Variants in LRRIQ3 observed in about 807,000 individuals in gnomAD.
The protein encoded by LRRIQ3 is leucine rich repeats and IQ motif containing 3.
A neutral mutation model predicts 59.3 loss-of-function variants in LRRIQ3; 75 were observed. The ratio of observed to expected loss-of-function variants is 1.26; its 90% CI spans 1.05 to 1.53. The LOEUF (loss-of-function observed/expected upper bound fraction) is 1.53, where lower values mean the gene tolerates loss of function less well. LRRIQ3 is among the 40% of genes most tolerant of loss of function. The probability of loss-of-function intolerance (pLI) is 0.00; values close to 1 mark genes in which losing one functional copy is unlikely to be tolerated. For synonymous variants in LRRIQ3, 250 were observed against 231.3 expected, an observed-to-expected ratio of 1.08 and a Z score of -0.73; for missense variants, 831 against 710.0, an observed-to-expected ratio of 1.17 and a Z score of -1.94.
At chr1:74,035,481 T>A (rs1653843047) in intron 7 of LRRIQ3, among the ~76,000 whole-genome samples, 1 of 152,130 alleles carries the variant, frequency 6.6e-6, no homozygotes, top group Admixed American at 6.6e-5. Context: ...TAAGTTAAAA[T>A]ATTTTGAGTC....
At chr1:74,161,836 T>C (rs1029021461) in intron 3 of LRRIQ3, among the ~76,000 whole-genome samples, 9 of 151,782 alleles carry the variant, frequency 5.9e-5, no homozygotes, top group Non-Finnish European at 1.0e-4. Flanking sequence ...CATAAAACAA[T>C]GATCTTGAAA....
chr1:74,135,395 A>G (rs187307511), intron 4 of LRRIQ3, among the ~76,000 whole-genome samples: 2 of 152,050 alleles, frequency 1.3e-5, no homozygotes. Context: ...AACTCTATCA[A>G]CTAACTTTAC....
chr1:74,151,726 C>G (rs1401548556), intron 4 of LRRIQ3, among the ~76,000 whole-genome samples: 1 of 151,900 alleles, frequency 6.6e-6, no homozygotes, highest in African/African-American at 2.4e-5. Context: ...AGGTCAAAGC[C>G]CAAAGTGAGG....
At chr1:74,185,201 T>C (rs1650280439) in intron 1 of LRRIQ3, among the ~76,000 whole-genome samples, 3 of 152,194 alleles carry the variant, frequency 2.0e-5, no homozygotes, top group Admixed American at 2.0e-4. Context: ...ACATAATATA[T>C]TTCATTTTGT....
At chr1:74,142,341 A>G (rs561563167) in intron 4 of LRRIQ3, among the ~76,000 whole-genome samples, 2 of 152,132 alleles carry the variant, frequency 1.3e-5, no homozygotes, top group Non-Finnish European at 2.9e-5. Flanking sequence ...TGAGATAATG[A>G]AATCCACATA....
intron 4 of LRRIQ3, among the ~76,000 whole-genome samples, chr1:74,129,864 T>C (rs1240875488): frequency 6.6e-6 from 1 of 151,982 alleles, no homozygotes; most frequent in Non-Finnish European, 1.5e-5. Flanking sequence ...GCCCAGGGTA[T>C]GTCTAGAAAT....
Position 74,182,707 on chromosome 1 carries a change from C to A in LRRIQ3, c.404G>T (p.Ser135Ile), listed in dbSNP as rs374894279. The A allele has an allele frequency of 6.2e-7, 1 of 1,612,618 alleles. No homozygotes were observed. The change falls in exon 3 of 8, where the codon AGC (serine) becomes ATC (isoleucine). Residue 135 changes from serine (S) to isoleucine (I), a missense_variant. Coordinates refer to ENST00000354431, the MANE Select transcript of LRRIQ3 (RefSeq NM_001105659.2). ...AACATGTCTATATCCTTTTTTAAGG[C>A]TTACTGGACAATCAAACATAGTGAG... ...IALTMFDCPV[S>I]LKKGYRHVLV...
At chr1:74,165,947 C>T (rs920047207) in intron 3 of LRRIQ3, among the ~76,000 whole-genome samples, 1 of 151,558 alleles carries the variant, frequency 6.6e-6, no homozygotes, top group Non-Finnish European at 1.5e-5. Flanking sequence ...TTTTTATATA[C>T]TGCTGAATTG....
intron 1 of LRRIQ3, among the ~76,000 whole-genome samples, chr1:74,197,609 G>T (rs1476572354): frequency 6.6e-6 from 1 of 152,038 alleles, no homozygotes; most frequent in African/African-American, 2.4e-5. Flanking sequence ...TTGGAGCCTG[G>T]TTGCGGACTG....
At chr1:74,163,430 G>C (rs575571182) in intron 3 of LRRIQ3, among the ~76,000 whole-genome samples, 1 of 151,472 alleles carries the variant, frequency 6.6e-6, no homozygotes, top group African/African-American at 2.4e-5. Flanking sequence ...CCAGGGCATA[G>C]AACAAAACTG....
At chr1:74,080,369 T>C (rs1488992796) in intron 5 of LRRIQ3, among the ~76,000 whole-genome samples, 1 of 151,714 alleles carries the variant, frequency 6.6e-6, no homozygotes, top group Non-Finnish European at 1.5e-5. Flanking sequence ...CTCTCCACAA[T>C]TGACAAATTG....
At chr1:74,162,877 C>T (rs1648744943) in intron 3 of LRRIQ3, among the ~76,000 whole-genome samples, 1 of 151,334 alleles carries the variant, frequency 6.6e-6, no homozygotes, top group Admixed American at 6.6e-5. Flanking sequence ...AAAGATTTGT[C>T]AAAAGACAGA....
intron 4 of LRRIQ3, among the ~76,000 whole-genome samples, chr1:74,115,887 A>G (rs1646770486): frequency 6.6e-6 from 1 of 152,046 alleles, no homozygotes; most frequent in Middle Eastern, 3.2e-3. Flanking sequence ...AACAACTAAG[A>G]ATGTTCTAAA....
At chr1:74,154,007 C>T (rs920800555) in intron 4 of LRRIQ3, among the ~76,000 whole-genome samples, 3 of 151,740 alleles carry the variant, frequency 2.0e-5, no homozygotes, top group Non-Finnish European at 4.4e-5. Context: ...TTTGGGGGGC[C>T]GAGGTGTGCG....
At chr1:74,086,821 A>G (rs1413626541) in intron 5 of LRRIQ3, among the ~76,000 whole-genome samples, 1 of 152,110 alleles carries the variant, frequency 6.6e-6, no homozygotes, top group Non-Finnish European at 1.5e-5. Flanking sequence ...ACAACAAAAA[A>G]CAATTAAACA....
intron 4 of LRRIQ3, among the ~76,000 whole-genome samples, chr1:74,120,749 C>G (rs1646843587): frequency 6.6e-6 from 1 of 151,876 alleles, no homozygotes; most frequent in South Asian, 2.1e-4. Context: ...ATAGCTCAGT[C>G]TTTTAAAATT....
intron 5 of LRRIQ3, 50 bp downstream of exon 5, chr1:74,109,344 T>C (rs1376549009): frequency 4.0e-6 from 5 of 1,253,174 alleles, no homozygotes; most frequent in Non-Finnish European, 5.6e-6. Context: ...ATCATAACTT[T>C]AATATCTTAA....
chr1:74,114,921 TCCC>T (rs1166607228), intron 4 of LRRIQ3, among the ~76,000 whole-genome samples: 1 of 151,908 alleles, frequency 6.6e-6, no homozygotes, highest in Non-Finnish European at 1.5e-5. Context: ...TAAAATAAAT[TCCC>T]CTTTTATTCT....
At position 74,194,766 on chromosome 1, in the gene LRRIQ3, C is replaced by T. The variant is rs979525256; in HGVS notation, c.-1+3230G>A. Among the ~76,000 whole-genome samples the T allele has an allele frequency of 5.3e-5, 8 of 152,288 alleles. No individual in the cohort carries two copies. The South Asian group carries it at 1.7e-3, about 32-fold the overall frequency. On this transcript the variant is annotated intron_variant, in intron 1 of 7. Coordinates refer to ENST00000354431, the MANE Select transcript of LRRIQ3 (RefSeq NM_001105659.2). ...GACAAATATTTCTTCTAGCCCAAAA[C>T]ATTCCTTGGTTAGCTTTCATAGAAC...
Sources: gnomAD v4.1 joint callset for allele counts (sites outside exome capture counted in the v4.1 genomes callset) on GRCh38, gnomAD v4.1.1 for gene constraint, MANE v1.5 for transcripts, NCBI Gene and HGNC (gene_info 2026-07-23, HGNC 2026-07-21) for gene names.